LCORL: variants seen among roughly 807,000 people sequenced by gnomAD.
LCORL encodes ligand-dependent nuclear receptor corepressor-like protein.
A neutral mutation model predicts 141.8 loss-of-function variants in LCORL; 41 were observed. The ratio of observed to expected loss-of-function variants is 0.29; its 90% confidence interval spans 0.23 to 0.38. LCORL has a LOEUF of 0.38. LCORL is among the 10% of genes least tolerant of loss of function. The pLI is 1.00. For synonymous variants in LCORL, 618 were observed against 694.1 expected (o/e 0.89, Z 1.72); for missense variants, 1,759 against 2,035.0 (o/e 0.86, Z 2.61).
chr4:17,875,032 G>A (rs976582859), exon 7 of LCORL: 21 of 1,233,506 alleles, frequency 1.7e-5, no homozygotes, highest in East Asian at 1.3e-4. Flanking sequence ...GCAATCATAC[G>A]TTTTGATCCA....
chr4:17,984,385 A>G lies in LCORL; in HGVS notation c.155-11500T>C, dbSNP rs114347644. On this transcript the variant is annotated intron_variant, in intron 1 of 7. Coordinates refer to ENST00000635767, the Ensembl canonical transcript of LCORL. ...TGTATCTGGTAGAATTCGGCTGTGA[A>G]TCTATCTGGTCCTGAGCTTTTTTAG... is the stretch of plus-strand genomic sequence containing the variant. Among the ~76,000 whole-genome samples, 417 of 152,190 alleles carry G rather than the reference A, an allele frequency of 2.7e-3. 2 individuals are homozygous for G. The highest frequency in any genetic ancestry group is 8.2e-3 in the African/African-American group (339 of 41,528).
chr4:17,990,864 C>G (rs1223404611), intron 1 of LCORL, among the ~76,000 whole-genome samples: 2 of 152,076 alleles, frequency 1.3e-5, no homozygotes, highest in Non-Finnish European at 2.9e-5. Flanking sequence ...TGGCTTTTAG[C>G]ACACTCATGC....
At chr4:17,912,682 C>T in intron 4 of LCORL, 1 of 389,082 alleles carries the variant, frequency 2.6e-6, no homozygotes, top group Non-Finnish European at 5.0e-6. Flanking sequence ...AGGTGGAGGC[C>T]TGCTATGCCC....
chr4:17,882,806 A>G (rs1435007254), intron 6 of LCORL: 1 of 984,706 alleles, frequency 1.0e-6, no homozygotes, highest in Non-Finnish European at 1.2e-6. Flanking sequence ...ACTAACCAGC[A>G]CATTTAAACC....
At chr4:17,863,211 G>C (rs1405366630) in intron 7 of LCORL, among the ~76,000 whole-genome samples, 1 of 152,176 alleles carries the variant, frequency 6.6e-6, no homozygotes, top group Non-Finnish European at 1.5e-5. Flanking sequence ...AGCTACTTGG[G>C]AGACTGAGGC....
intron 5 of LCORL, among the ~76,000 whole-genome samples, chr4:17,898,786 C>A (rs531534623): frequency 6.6e-6 from 1 of 151,828 alleles, no homozygotes; most frequent in East Asian, 1.9e-4. Flanking sequence ...CAGTGAATCA[C>A]CCTGAATGCA....
chr4:17,975,327 T>C (rs1287180150), intron 1 of LCORL, among the ~76,000 whole-genome samples: 11 of 152,278 alleles, frequency 7.2e-5, no homozygotes, highest in Admixed American at 7.2e-4. Flanking sequence ...ATTTTACACA[T>C]AGGATATAAA....
intron 4 of LCORL, among the ~76,000 whole-genome samples, chr4:17,952,341 AATT>A (rs1376745850): frequency 6.6e-6 from 1 of 152,186 alleles, no homozygotes; most frequent in African/African-American, 2.4e-5. Context: ...TACAGAAAGA[AATT>A]ATTTAGAAAA....
At chr4:17,970,222 A>G (rs1715671420) in intron 2 of LCORL, among the ~76,000 whole-genome samples, 1 of 152,216 alleles carries the variant, frequency 6.6e-6, no homozygotes, top group Admixed American at 6.6e-5. Flanking sequence ...AGCTCAATCA[A>G]AAACCAAAGC....
chr4:17,952,017 T>C (rs1453123302), intron 4 of LCORL, among the ~76,000 whole-genome samples: 2 of 152,230 alleles, frequency 1.3e-5, no homozygotes, highest in Non-Finnish European at 2.9e-5. Context: ...TAAAAAGCCT[T>C]ATTTAAGACA....
chr4:17,997,351 G>A (rs573553876), intron 1 of LCORL, among the ~76,000 whole-genome samples: 105 of 152,154 alleles, frequency 6.9e-4, no homozygotes, highest in Non-Finnish European at 1.3e-3. Context: ...GGTTGGGGAG[G>A]AGGGCTAGAA....
At chr4:17,985,646 T>C (rs1332472584) in intron 1 of LCORL, among the ~76,000 whole-genome samples, 1 of 152,180 alleles carries the variant, frequency 6.6e-6, no homozygotes, top group Non-Finnish European at 1.5e-5. Flanking sequence ...ATTTTCAGCC[T>C]ATGGGTGTCA....
chr4:17,896,959 T>G (rs1362117466), intron 5 of LCORL, among the ~76,000 whole-genome samples: 1 of 152,104 alleles, frequency 6.6e-6, no homozygotes, highest in Non-Finnish European at 1.5e-5. Context: ...CACAAGTAGG[T>G]AAGAACATGA....
intron 2 of LCORL, among the ~76,000 whole-genome samples, chr4:17,970,807 A>C (rs1715783145): frequency 6.6e-6 from 1 of 152,206 alleles, no homozygotes; most frequent in Admixed American, 6.6e-5. Context: ...GCAAGATCCC[A>C]TTCCCTTCCC....
At chr4:17,875,614 A>T (rs1378136140) in exon 7 of LCORL, 1 of 1,231,120 alleles carries the variant, frequency 8.1e-7, no homozygotes, top group South Asian at 4.1e-5. Context: ...GATATGAGAC[A>T]TTCTGGGCTT....
chr4:17,949,277 C>T (rs563635441), intron 4 of LCORL, among the ~76,000 whole-genome samples: 2 of 152,082 alleles, frequency 1.3e-5, no homozygotes, highest in Non-Finnish European at 2.9e-5. Context: ...CATAGTGATG[C>T]TAAGGGTGGG....
chr4:17,876,684 A>G (rs1213812512), exon 7 of LCORL: 7 of 1,230,680 alleles, frequency 5.7e-6, no homozygotes, highest in Non-Finnish European at 7.1e-6. Flanking sequence ...AGTTCTGCTC[A>G]AAAGTCCAGA....
intron 4 of LCORL, among the ~76,000 whole-genome samples, chr4:17,939,879 T>TACACACTCACACAC (rs1553873765): frequency 2.7e-5 from 4 of 147,806 alleles, no homozygotes; most frequent in Non-Finnish European, 6.0e-5. Flanking sequence ...TAGGTACATG[T>TACACACTCACACAC]ACACACACAC....
exon 7 of LCORL, chr4:17,877,653 A>C: frequency 8.1e-7 from 1 of 1,230,412 alleles, no homozygotes; most frequent in Non-Finnish European, 1.0e-6. Context: ...TTCAGTTTCT[A>C]TAGGTGATAA....
Sources: allele counts gnomAD v4.1 joint callset (sites outside exome capture counted in the v4.1 genomes callset), GRCh38; gene constraint gnomAD v4.1.1; transcripts MANE v1.5; gene names NCBI Gene and HGNC (gene_info 2026-07-23, HGNC 2026-07-21).